Variants in CPNE4 observed in about 807,000 individuals in gnomAD.
CPNE4 encodes the protein copine 4.
Under a neutral mutation model 67.9 loss-of-function variants are expected in CPNE4, and 25 were observed. The ratio of observed to expected loss-of-function variants is 0.37; its 90% confidence interval spans 0.27 to 0.51. The LOEUF is 0.51. Ranked by LOEUF, CPNE4 falls within the 20% of genes least tolerant of loss-of-function variation. The pLI is 0.93. For synonymous variants in CPNE4, 242 were observed against 244.9 expected (o/e 0.99, Z 0.11); for missense variants, 464 against 690.8 (o/e 0.67, Z 3.68).
intron 2 of CPNE4, among the ~76,000 whole-genome samples, chr3:131,779,055 GA>G (rs1175527951): frequency 1.3e-5 from 2 of 151,918 alleles, no homozygotes; most frequent in Non-Finnish European, 2.9e-5. Flanking sequence ...TCAAAGCTGA[GA>G]GCCAAAACAA....
chr3:131,821,342 G>A (rs1037861639), intron 2 of CPNE4, among the ~76,000 whole-genome samples: 1 of 152,212 alleles, frequency 6.6e-6, no homozygotes, highest in Non-Finnish European at 1.5e-5. Context: ...GAAGGCTGGG[G>A]AAATGAGTTT....
chr3:131,816,124 T>C (rs572603489), intron 2 of CPNE4, among the ~76,000 whole-genome samples: 245 of 152,304 alleles, frequency 1.6e-3, no homozygotes, highest in African/African-American at 5.7e-3. Context: ...ACTTGGAGTA[T>C]GGAAAAAGAT....
intron 2 of CPNE4, among the ~76,000 whole-genome samples, chr3:131,870,759 C>A (rs1224166975): frequency 1.3e-5 from 2 of 152,102 alleles, no homozygotes; most frequent in Non-Finnish European, 2.9e-5. Flanking sequence ...ATGGTGCTAC[C>A]AGAAGGTTTC....
intron 8 of CPNE4, among the ~76,000 whole-genome samples, chr3:131,585,725 T>C (rs1938137105): frequency 6.6e-6 from 1 of 152,222 alleles, no homozygotes; most frequent in South Asian, 2.1e-4. Context: ...ATCATTGATT[T>C]AGCAGCTAAA....
intron 1 of CPNE4, among the ~76,000 whole-genome samples, chr3:131,937,469 T>C (rs1378538347): frequency 2.0e-5 from 3 of 152,156 alleles, no homozygotes; most frequent in African/African-American, 4.8e-5. Context: ...TTTGAACATA[T>C]AGGAATTACA....
At chr3:131,969,372 A>T (rs896870905) in intron 1 of CPNE4, among the ~76,000 whole-genome samples, 8 of 125,348 alleles carry the variant, frequency 6.4e-5, no homozygotes, top group South Asian at 2.8e-4. Flanking sequence ...TTAAAATATT[A>T]AAAAAAAAAG....
At chr3:131,892,115 A>G (rs1002617818) in intron 2 of CPNE4, among the ~76,000 whole-genome samples, 1 of 152,132 alleles carries the variant, frequency 6.6e-6, no homozygotes, top group African/African-American at 2.4e-5. Flanking sequence ...TTACAAGAAA[A>G]AAGGTAAGCT....
At chr3:131,597,441 C>A (rs896448870) in intron 7 of CPNE4, among the ~76,000 whole-genome samples, 6 of 152,024 alleles carry the variant, frequency 3.9e-5, no homozygotes, top group African/African-American at 1.5e-4. Context: ...GCACATGTAA[C>A]CCGGAACTTA....
At chr3:131,587,276 C>A (rs1247572837) in intron 8 of CPNE4, among the ~76,000 whole-genome samples, 1 of 152,114 alleles carries the variant, frequency 6.6e-6, no homozygotes, top group African/African-American at 2.4e-5. Flanking sequence ...GAAACTGTAA[C>A]GTTTGGGGTC....
rs74983163 is a variant in CPNE4, at chr3:131,575,754, A to C, written c.868-624T>G. Among the ~76,000 whole-genome samples, 982 of 152,252 alleles carry C rather than the reference A, an allele frequency of 6.4e-3. 12 individuals are homozygous for C. Among genetic ancestry groups the C allele is most frequent in the African/African-American group, 0.023 (939 of 41,550 alleles). On this transcript the variant is annotated intron_variant, in intron 9 of 15. Coordinates refer to ENST00000429747, the MANE Select transcript of CPNE4 (RefSeq NM_130808.3). ...ACCCTGTTTATAGATGAGGAAATTAAGGTCAAGATCACAATGCTAATAAAT... is the reference window on the plus strand; with the variant it reads ...ACCCTGTTTATAGATGAGGAAATTACGGTCAAGATCACAATGCTAATAAAT...
At chr3:131,769,240 A>G (rs2083102786) in intron 2 of CPNE4, among the ~76,000 whole-genome samples, 1 of 152,160 alleles carries the variant, frequency 6.6e-6, no homozygotes, top group South Asian at 2.1e-4. Context: ...AATTTGCTAT[A>G]CAAGTGAAAT....
intron 6 of CPNE4, among the ~76,000 whole-genome samples, chr3:131,672,744 G>A (rs991033720): frequency 4.0e-5 from 6 of 151,886 alleles, no homozygotes; most frequent in African/African-American, 1.2e-4. Flanking sequence ...TTAACCCCCT[G>A]TCAGATGGAT....
intron 9 of CPNE4, 35 bp downstream of exon 9, chr3:131,581,544 C>T (rs749707447): frequency 7.0e-7 from 1 of 1,423,246 alleles, no homozygotes; most frequent in South Asian, 1.1e-5. Flanking sequence ...ATAGCCCTAG[C>T]TTCATACTCC....
intron 2 of CPNE4, among the ~76,000 whole-genome samples, chr3:131,743,683 A>G (rs1471349506): frequency 1.3e-5 from 2 of 152,200 alleles, no homozygotes; most frequent in African/African-American, 4.8e-5. Flanking sequence ...TATAGTTGCT[A>G]AAAACAATAC....
intron 15 of CPNE4, among the ~76,000 whole-genome samples, chr3:131,541,549 A>T (rs2107628298): frequency 6.6e-6 from 1 of 151,570 alleles, no homozygotes; most frequent in East Asian, 1.9e-4. Context: ...TTTCTGGCCC[A>T]CAGAGAGGGC....
intron 2 of CPNE4, among the ~76,000 whole-genome samples, chr3:131,773,137 C>T (rs1913285): frequency 0.93 from 141,677 of 152,062 alleles, 66,700 homozygotes; most frequent in East Asian, 1. Flanking sequence ...TTTGGAATCT[C>T]GTAGCCTGCC....
intron 2 of CPNE4, among the ~76,000 whole-genome samples, chr3:131,832,209 C>A (rs1056216322): frequency 3.3e-5 from 5 of 152,174 alleles, no homozygotes; most frequent in Non-Finnish European, 5.9e-5. Context: ...TGTAAACTCC[C>A]AAAACTCATA....
At chr3:131,942,792 A>G (rs1412945459) in intron 1 of CPNE4, among the ~76,000 whole-genome samples, 3 of 152,156 alleles carry the variant, frequency 2.0e-5, no homozygotes, top group Non-Finnish European at 4.4e-5. Flanking sequence ...GCTAGTTAAA[A>G]AGAAACATCA....
intron 2 of CPNE4, among the ~76,000 whole-genome samples, chr3:131,866,206 G>C (rs1283477813): frequency 2.0e-5 from 3 of 150,294 alleles, no homozygotes; most frequent in Non-Finnish European, 4.4e-5. Context: ...AATCTGATCA[G>C]TTAGGAATTG....
Sources: allele counts gnomAD v4.1 joint callset (sites outside exome capture counted in the v4.1 genomes callset), GRCh38; gene constraint gnomAD v4.1.1; transcripts MANE v1.5; gene names NCBI Gene and HGNC (gene_info 2026-07-23, HGNC 2026-07-21).